ZNF410: variants seen among roughly 807,000 people sequenced by gnomAD.
The protein encoded by ZNF410 is zinc finger protein 410, also known as another partner for ARF 1.
ZNF410 carries 18 observed loss-of-function variants against 54.8 expected under a neutral mutation model. The observed-to-expected ratio is 0.33, with a 90% confidence interval of 0.23 to 0.49. The LOEUF (loss-of-function observed/expected upper bound fraction) is 0.49, where lower values mean the gene tolerates loss of function less well. ZNF410 is among the 20% of genes least tolerant of loss of function. The probability of loss-of-function intolerance (pLI) is 0.99; values close to 1 mark genes in which losing one functional copy is unlikely to be tolerated. For missense variants in ZNF410, 405 were observed against 569.6 expected, an observed-to-expected ratio of 0.71 and a Z score of 2.94; for synonymous variants, 191 against 207.3, an observed-to-expected ratio of 0.92 and a Z score of 0.68.
chr14:73,904,952 A>G lies in ZNF410; in HGVS notation c.782A>G (p.Tyr261Cys), dbSNP rs1279228407. The G allele has an allele frequency of 6.2e-7, 1 of 1,614,232 alleles. No homozygotes were observed. Among genetic ancestry groups the G allele is most frequent in the South Asian group, 1.1e-5 (1 of 91,086 alleles). Residue 261 changes from tyrosine to cysteine, a missense_variant, in exon 7 of 12, where the codon TAT (tyrosine) becomes TGT (cysteine). Transcript: ENST00000555044. Reference protein sequence around the residue: ...CPAEGCGKSFYVLQRLKVHMR... With the variant: ...CPAEGCGKSFCVLQRLKVHMR... ...GCAGAAGGTTGTGGGAAAAGCTTCT[A>G]TGTGCTGCAGAGGCTGAAGGTGCAC...
At chr14:73,897,563 C>T (rs2055337862) in intron 4 of ZNF410, among the ~76,000 whole-genome samples, 2 of 151,996 alleles carry the variant, frequency 1.3e-5, no homozygotes, top group African/African-American at 2.4e-5. Context: ...TGCCTTGAAA[C>T]CAGAGGAGGC....
At chr14:73,918,945 G>A (rs541545122) in intron 8 of ZNF410, among the ~76,000 whole-genome samples, 11 of 137,470 alleles carry the variant, frequency 8.0e-5, no homozygotes, top group African/African-American at 2.5e-4. Flanking sequence ...TGATCCTCCC[G>A]CCTCAGCCTC....
In ZNF410 at chr14:73,931,797, A is replaced by C; in HGVS notation, c.*256A>C. ...GTACCTACCTCTCTTCCCACTGCAAATTTCTGGGATAGACCAAAAGTGAAT... is the reference window on the plus strand; with the variant it reads ...GTACCTACCTCTCTTCCCACTGCAACTTTCTGGGATAGACCAAAAGTGAAT... On this transcript the variant is annotated 3_prime_UTR_variant, in exon 12 of 12. Coordinates refer to ENST00000555044, the MANE Select transcript of ZNF410 (RefSeq NM_021188.3). The C allele has an allele frequency of 2.0e-6, 1 of 494,468 alleles. No homozygotes were observed. Among genetic ancestry groups the C allele is most frequent in the East Asian group, 4.1e-5 (1 of 24,662 alleles). 30.6% of individuals were successfully genotyped at this position (494,468 alleles called of 1,614,324 possible).
chr14:73,919,330 G>T lies in ZNF410; in HGVS notation c.1004-1650G>T, dbSNP rs150558189. Among the ~76,000 whole-genome samples, 524 of 152,124 alleles carry T rather than the reference G, an allele frequency of 3.4e-3. 4 individuals carry two copies. The highest frequency in any genetic ancestry group is 0.012 in the African/African-American group (495 of 41,504). On this transcript the variant is annotated intron_variant, in intron 8 of 11. Coordinates refer to ENST00000555044, the MANE Select transcript of ZNF410 (RefSeq NM_021188.3). ...TTTATTTTAGATTCAGGGGGTACAT[G>T]TGCAGGTTTGTTACAAGGGTATATT...
At chr14:73,898,472 A>G (rs1207822047) in intron 5 of ZNF410, 2 of 604,978 alleles carry the variant, frequency 3.3e-6, no homozygotes, top group African/African-American at 1.8e-5. Context: ...TGAATTCTCA[A>G]CTTTAAATAA....
At chr14:73,887,649 AG>A (rs1236288717) in intron 1 of ZNF410, among the ~76,000 whole-genome samples, 1 of 152,248 alleles carries the variant, frequency 6.6e-6, no homozygotes, top group African/African-American at 2.4e-5. Flanking sequence ...AGGTCAACGC[AG>A]CATATTTGCA....
chr14:73,922,046 A>T lies in ZNF410; in HGVS notation c.1130-20A>T, dbSNP rs747710062. Reference sequence around the variant, plus strand: ...CAGCCTTGATTGCTGTATGTCTCTCACAACCTATTCTCTGTGCAGCTGAGC... The same window carrying T: ...CAGCCTTGATTGCTGTATGTCTCTCTCAACCTATTCTCTGTGCAGCTGAGC... On this transcript the variant is annotated intron_variant, in intron 9 of 11. Coordinates refer to ENST00000555044, the MANE Select transcript of ZNF410 (RefSeq NM_021188.3). 7 of 1,613,246 alleles carry T rather than the reference A, an allele frequency of 4.3e-6. No individual in the cohort carries two copies. The Admixed American group carries it at 1.0e-4, about 23-fold the overall frequency.
chr14:73,897,670 T>C (rs1489731590), intron 4 of ZNF410, among the ~76,000 whole-genome samples: 1 of 152,030 alleles, frequency 6.6e-6, no homozygotes, highest in Non-Finnish European at 1.5e-5. Context: ...GAATAGCTTA[T>C]TTAGGACATG....
At chr14:73,931,400 G>GT in intron 11 of ZNF410, 103 bp from the exon 12 acceptor site, 1 of 970,340 alleles carries the variant, frequency 1.0e-6, no homozygotes. Context: ...ATTCACCCCT[G>GT]TAGTGCATTC....
chr14:73,899,706 C>G (rs759533091), intron 5 of ZNF410, among the ~76,000 whole-genome samples: 30 of 152,310 alleles, frequency 2.0e-4, no homozygotes, highest in Middle Eastern at 6.8e-3. Flanking sequence ...GGCAGTTTAA[C>G]CTCCCTTAGC....
intron 1 of ZNF410, among the ~76,000 whole-genome samples, chr14:73,890,784 A>C (rs935072531): frequency 6.6e-6 from 1 of 152,100 alleles, no homozygotes; most frequent in African/African-American, 2.4e-5. Flanking sequence ...AGGCCACGGC[A>C]GGCGGATCAC....
At chr14:73,891,639 C>T (rs1393633328) in intron 1 of ZNF410, among the ~76,000 whole-genome samples, 1 of 152,138 alleles carries the variant, frequency 6.6e-6, no homozygotes, top group Non-Finnish European at 1.5e-5. Flanking sequence ...CAGTTGTAAG[C>T]CACCACACCC....
At chr14:73,917,293 C>G (rs2055681914) in intron 8 of ZNF410, among the ~76,000 whole-genome samples, 1 of 152,112 alleles carries the variant, frequency 6.6e-6, no homozygotes, top group Admixed American at 6.6e-5. Flanking sequence ...CCCTTTAAAT[C>G]ATTGTTTTAA....
chr14:73,913,054 T>C (rs996631010), intron 8 of ZNF410: 1 of 152,144 alleles, frequency 6.6e-6, no homozygotes, highest in African/African-American at 2.4e-5. Flanking sequence ...ACCCCATTTT[T>C]TTTTTTCTTT....
At chr14:73,898,033 CT>C (rs1450616556) in intron 4 of ZNF410, 37 bp from the exon 5 acceptor site, 3 of 1,462,070 alleles carry the variant, frequency 2.1e-6, no homozygotes, top group Non-Finnish European at 2.8e-6. Flanking sequence ...AAAAAGCTTG[CT>C]TGGTTTCTAA....
intron 3 of ZNF410, 77 bp downstream of exon 3, chr14:73,894,009 A>G: frequency 6.6e-7 from 1 of 1,509,104 alleles, no homozygotes; most frequent in Non-Finnish European, 8.9e-7. Context: ...GGTGGAATGA[A>G]TATATCGTTT....
At chr14:73,912,978 C>T (rs1363420336) in intron 8 of ZNF410, 1 of 151,966 alleles carries the variant, frequency 6.6e-6, no homozygotes, top group Non-Finnish European at 1.5e-5. Context: ...CAGATCATCC[C>T]ATCACCTAGA....
In ZNF410 at chr14:73,931,485, G is replaced by T. The variant is rs764554684; in HGVS notation, c.1399-18G>T. ...TTCAACTGTAACCTATTCTAGATTT[G>T]CTTTCAATCTTTTACAGTTACTAAA... On this transcript the variant is annotated intron_variant, in intron 11 of 11. Transcript: ENST00000555044. 1 of 1,605,184 alleles carries T rather than the reference G, an allele frequency of 6.2e-7. No individual in the cohort carries two copies. The highest frequency in any genetic ancestry group is 8.5e-7 in the Non-Finnish European group (1 of 1,175,802).
chr14:73,896,468 A>G lies in ZNF410; in HGVS notation c.322A>G (p.Ser108Gly), dbSNP rs757329740. Residue 108 changes from serine (S) to glycine (G), a missense_variant, in exon 4 of 12, where the codon AGC becomes GGC. Physicochemically the swap from Ser to Gly is moderately conservative, Grantham distance 56. Coordinates refer to ENST00000555044, the MANE Select transcript of ZNF410 (RefSeq NM_021188.3). Reference protein sequence around the residue: ...PEFLSTSESSSLLQDLQPSDS... With the variant: ...PEFLSTSESSGLLQDLQPSDS... ...GTTTTTGTCCACTTCAGAGTCTTCT[A>G]GCTTGTTGCAAGATCTACAGCCAAG... 1.5e-5 allele frequency: 24 copies of G among 1,614,080 alleles called. No individual in the cohort carries two copies. The highest frequency in any genetic ancestry group is 3.3e-5 in the Admixed American group (2 of 59,998).
Sources: gnomAD v4.1 joint callset for allele counts (sites outside exome capture counted in the v4.1 genomes callset) on GRCh38, gnomAD v4.1.1 for gene constraint, MANE v1.5 for transcripts, NCBI Gene and HGNC (gene_info 2026-07-23, HGNC 2026-07-21) for gene names.